Variants in FTO observed in about 807,000 individuals in gnomAD.
The protein encoded by FTO is alpha-ketoglutarate-dependent dioxygenase FTO.
A neutral mutation model predicts 63.9 loss-of-function variants in FTO; 47 were observed. That is an observed-to-expected ratio of 0.74 (90% CI 0.58 to 0.94). FTO has a LOEUF of 0.94. FTO is among the 40% of genes least tolerant of loss of function. FTO has a pLI of 0.00. For synonymous variants in FTO, 207 were observed against 224.4 expected (o/e 0.92, Z 0.69); for missense variants, 562 against 618.1 (o/e 0.91, Z 0.96).
At chr16:53,777,421 G>A (rs943478069) in intron 1 of FTO, among the ~76,000 whole-genome samples, 5 of 152,134 alleles carry the variant, frequency 3.3e-5, no homozygotes, top group South Asian at 2.1e-4. Flanking sequence ...CTTTAGACAA[G>A]TGATAATATC....
intron 8 of FTO, among the ~76,000 whole-genome samples, chr16:54,077,423 G>A (rs1207017400): frequency 6.6e-6 from 1 of 152,116 alleles, no homozygotes; most frequent in African/African-American, 2.4e-5. Flanking sequence ...GTGAGGCTTG[G>A]CTGTCGTTTG....
Position 54,111,868 on chromosome 16 carries a change from GACAT to G in FTO, c.1472_1475del (p.Asp491AlafsTer61). On this transcript the variant is annotated frameshift_variant, in exon 9 of 9. Coordinates refer to ENST00000471389, the MANE Select transcript of FTO (RefSeq NM_001080432.3). LOFTEE classifies it high-confidence loss of function. ...GATGCCTCTGCCGTTTGACCTCACA[GACAT>G]CGTTTCAGAACTCAGAGGTCAGCTT... The G allele has an allele frequency of 1.2e-6, 2 of 1,614,166 alleles. No individual in the cohort carries two copies. The highest frequency in any genetic ancestry group is 1.7e-6 in the Non-Finnish European group (2 of 1,180,038).
intron 8 of FTO, among the ~76,000 whole-genome samples, chr16:54,041,956 C>T (rs1481155045): frequency 6.6e-6 from 1 of 152,158 alleles, no homozygotes; most frequent in Non-Finnish European, 1.5e-5. Flanking sequence ...TTCCTATTGT[C>T]GTGGATCCCT....
chr16:53,815,957 C>T (rs2078674482), intron 2 of FTO, among the ~76,000 whole-genome samples: 1 of 152,028 alleles, frequency 6.6e-6, no homozygotes, highest in Non-Finnish European at 1.5e-5. Flanking sequence ...CTGCCATTGA[C>T]TTTCTGACCC....
chr16:53,997,555 C>A (rs1180860795), intron 8 of FTO, among the ~76,000 whole-genome samples: 1 of 104,940 alleles, frequency 9.5e-6, no homozygotes, highest in East Asian at 3.1e-4. Flanking sequence ...CCAAGAAAGA[C>A]AAGGAAAGAA....
chr16:53,767,855 A>G (rs560304800), intron 1 of FTO, among the ~76,000 whole-genome samples: 2 of 152,226 alleles, frequency 1.3e-5, no homozygotes, highest in African/African-American at 2.4e-5. Flanking sequence ...TAACTGTTTC[A>G]TATAAAACAT....
intron 8 of FTO, among the ~76,000 whole-genome samples, chr16:54,052,980 G>A (rs140775905): frequency 2.0e-5 from 3 of 152,326 alleles, no homozygotes; most frequent in East Asian, 1.9e-4. Context: ...GGGATTACAG[G>A]TGTGAGCCAC....
intron 1 of FTO, among the ~76,000 whole-genome samples, chr16:53,710,600 G>C (rs1402703915): frequency 2.0e-5 from 3 of 152,148 alleles, no homozygotes; most frequent in Non-Finnish European, 4.4e-5. Context: ...TTTGAGGAAA[G>C]ATGGGGCCTC....
At chr16:53,915,341 C>T (rs2081837477) in intron 7 of FTO, among the ~76,000 whole-genome samples, 1 of 152,168 alleles carries the variant, frequency 6.6e-6, no homozygotes, top group South Asian at 2.1e-4. Context: ...CTATGCAGCT[C>T]TTATTGACCA....
chr16:53,929,166 C>G (rs957589480), intron 7 of FTO, among the ~76,000 whole-genome samples: 2 of 152,122 alleles, frequency 1.3e-5, no homozygotes, highest in Non-Finnish European at 2.9e-5. Context: ...TATAAACTCA[C>G]GTAACCACCA....
rs190399488 is a variant in FTO, at chr16:53,803,304, T to A, written c.46-6836T>A. On this transcript the variant is annotated intron_variant, in intron 1 of 8. Transcript: ENST00000471389. ...CACCACTGCTGAGGTGAAGTCCTTC[T>A]GAGTGTTCTTCCTGATGTTTTCTAA... Among the ~76,000 whole-genome samples the A allele has an allele frequency of 4.6e-5, 7 of 152,354 alleles. No homozygotes were observed. The East Asian group carries it at 1.3e-3, about 29-fold the overall frequency.
intron 1 of FTO, among the ~76,000 whole-genome samples, chr16:53,726,683 C>T (rs939899492): frequency 1.2e-4 from 19 of 152,198 alleles, no homozygotes; most frequent in African/African-American, 4.6e-4. Flanking sequence ...TCTGCCTGGA[C>T]AGAATGAGAA....
At chr16:53,970,951 A>G (rs1427420828) in intron 8 of FTO, among the ~76,000 whole-genome samples, 1 of 152,238 alleles carries the variant, frequency 6.6e-6, no homozygotes, top group Admixed American at 6.5e-5. Context: ...ACTTTTCTTA[A>G]TAATAGTAAG....
rs56906281 is a variant in FTO at position 53,764,475 on chromosome 16, C to CAAAAAAAAA, written c.46-45657_46-45649dup. 6.7e-4 allele frequency among the ~76,000 whole-genome samples: 79 copies of CAAAAAAAAA among 118,508 alleles called. 1 individual carries two copies. Among genetic ancestry groups the CAAAAAAAAA allele is most frequent in the East Asian group, 3.9e-3 (15 of 3,870 alleles). The allele number at this position is 118,508 out of a possible 152,430, so 77.7% of individuals were successfully genotyped here. A position where few individuals can be genotyped will look rare whatever the true frequency, so the allele number is the denominator to read the frequency against. On this transcript the variant is annotated intron_variant, in intron 1 of 8. Transcript: ENST00000471389. ...TGAAACCCCATCTCTACTAAAAATACAAAAAAAAAAAAAAAAGAAAAGAGG... is the reference window on the plus strand; with the variant it reads ...TGAAACCCCATCTCTACTAAAAATACAAAAAAAAAAAAAAAAAAAAAAAAAGAAAAGAGG...
At chr16:53,898,378 G>A (rs2081323167) in intron 7 of FTO, among the ~76,000 whole-genome samples, 1 of 152,052 alleles carries the variant, frequency 6.6e-6, no homozygotes, top group Admixed American at 6.6e-5. Context: ...TCACTTTCTT[G>A]GAGAGAGTTG....
chr16:53,933,007 GA>G (rs1030109717), intron 7 of FTO, among the ~76,000 whole-genome samples: 3 of 152,270 alleles, frequency 2.0e-5, no homozygotes, highest in Admixed American at 1.3e-4. Flanking sequence ...TTTGTAAGAA[GA>G]GATTTAGGTG....
Position 54,031,308 on chromosome 16 carries a change from G to A in FTO, c.1365-80454G>A, listed in dbSNP as rs1166862077. Among the ~76,000 whole-genome samples, 7 of 152,332 alleles carry A rather than the reference G, an allele frequency of 4.6e-5. No individual in the cohort carries two copies. In the East Asian group the frequency reaches 1.3e-3, roughly 29 times the overall value. On this transcript the variant is annotated intron_variant, in intron 8 of 8. Coordinates refer to ENST00000471389, the MANE Select transcript of FTO (RefSeq NM_001080432.3). The stretch of plus-strand genomic sequence containing the variant: ...TGCTGCACAGAAAAGCCAATGCACT[G>A]AAACAGTGGTGTTGCGGCAGAAAAA...
chr16:53,807,825 T>C (rs1337241324), intron 1 of FTO, among the ~76,000 whole-genome samples: 1 of 152,198 alleles, frequency 6.6e-6, no homozygotes, highest in Non-Finnish European at 1.5e-5. Flanking sequence ...TAGATTTTGA[T>C]TAAATTTATG....
chr16:53,796,170 G>A (rs751581109), intron 1 of FTO, among the ~76,000 whole-genome samples: 20 of 151,120 alleles, frequency 1.3e-4, no homozygotes, highest in South Asian at 2.1e-4. Flanking sequence ...TCAGCCTCCC[G>A]AGTAGCTGGG....
Sources: gnomAD v4.1 joint callset for allele counts (sites outside exome capture counted in the v4.1 genomes callset) on GRCh38, gnomAD v4.1.1 for gene constraint, MANE v1.5 for transcripts, NCBI Gene and HGNC (gene_info 2026-07-23, HGNC 2026-07-21) for gene names.